DPY19L1: variants seen among roughly 807,000 people sequenced by gnomAD.
DPY19L1 encodes protein C-mannosyl-transferase DPY19L1.
A neutral mutation model predicts 96.9 loss-of-function variants in DPY19L1; 35 were observed. The observed-to-expected ratio is 0.36, with a 90% CI of 0.28 to 0.48. The LOEUF is 0.48. DPY19L1 is among the 20% of genes least tolerant of loss of function. The pLI, the probability that DPY19L1 is intolerant of heterozygous loss-of-function variation, is 0.99. For missense variants in DPY19L1, 521 were observed against 777.9 expected, an observed-to-expected ratio of 0.67 and a Z score of 3.93; for synonymous variants, 205 against 252.6, an observed-to-expected ratio of 0.81 and a Z score of 1.79.
intron 6 of DPY19L1, among the ~76,000 whole-genome samples, chr7:35,009,786 C>A (rs1474013977): frequency 6.6e-6 from 1 of 152,112 alleles, no homozygotes; most frequent in African/African-American, 2.4e-5. Context: ...TACACCAAAA[C>A]TACAGTAAGA....
chr7:35,037,406 C>CGCGCCCGCTCGCT lies in DPY19L1; in HGVS notation c.-25_-13dup, dbSNP rs1786456454. 3.0e-6 allele frequency: 1 copy of CGCGCCCGCTCGCT among 333,838 alleles called. No individual in the cohort carries two copies. The highest frequency in any genetic ancestry group is 2.2e-5 in the African/African-American group (1 of 45,812). The allele number at this position is 333,838 out of a possible 1,614,324, so 20.7% of individuals were successfully genotyped here. A position where few individuals can be genotyped will look rare whatever the true frequency, so the allele number is the denominator to read the frequency against. ...GCCTGCAGGACCATCTTGGCATAGT[C>CGCGCCCGCTCGCT]GCGCCCGCTCGCTGCGCGCGCCCGG... On this transcript the variant is annotated 5_prime_UTR_variant, in exon 1 of 22. Coordinates refer to ENST00000638088, the MANE Select transcript of DPY19L1 (RefSeq NM_001366673.1).
intron 4 of DPY19L1, among the ~76,000 whole-genome samples, chr7:35,013,146 GT>G (rs1285105110): frequency 2.6e-5 from 4 of 152,102 alleles, no homozygotes; most frequent in African/African-American, 7.2e-5. Flanking sequence ...CAAATTTATA[GT>G]TTTGCAAGGA....
Position 35,037,366 on chromosome 7 carries a change from C to A in DPY19L1, c.29G>T (p.Arg10Leu). The A allele has an allele frequency of 2.8e-6, 1 of 354,960 alleles. No homozygotes were observed. The highest frequency in any genetic ancestry group is 1.3e-4 in the South Asian group (1 of 7,430). 22.0% of individuals were successfully genotyped at this position (354,960 alleles called of 1,614,324 possible). Residue 10 changes from arginine to leucine, a missense_variant, in exon 1 of 22, where the codon CGG (arginine) becomes CTG (leucine). Arg to Leu is a moderately radical substitution (Grantham distance 102, BLOSUM62 -2). Transcript: ENST00000638088. ...CTGGGGCGGCTTGGGAGCCGCCTCC[C>A]GGTGCTTGTTCCGCGCCTGCAGGAC... is the stretch of plus-strand genomic sequence containing the variant. MVLQARNKH[R>L]EAAPKPPQPP... is the part of the protein sequence containing the mutation.
At chr7:34,988,639 CAT>C (rs892807795) in intron 7 of DPY19L1, among the ~76,000 whole-genome samples, 39 of 152,074 alleles carry the variant, frequency 2.6e-4, no homozygotes, top group African/African-American at 8.7e-4. Flanking sequence ...CATGTTAAAA[CAT>C]GTGCATATTC....
intron 19 of DPY19L1, 35 bp from the exon 20 acceptor site, chr7:34,939,410 C>G: frequency 6.3e-7 from 1 of 1,580,636 alleles, no homozygotes; most frequent in Non-Finnish European, 8.7e-7. Context: ...GGAAGACACT[C>G]AGTGAAGGCG....
At chr7:34,987,167 GAA>G (rs1785067724) in intron 7 of DPY19L1, among the ~76,000 whole-genome samples, 1 of 151,954 alleles carries the variant, frequency 6.6e-6, no homozygotes, top group African/African-American at 2.4e-5. Flanking sequence ...TCTTGTAAAA[GAA>G]AACATTTTAA....
chr7:35,033,906 C>T (rs1360305653), intron 1 of DPY19L1, among the ~76,000 whole-genome samples: 7 of 151,982 alleles, frequency 4.6e-5, no homozygotes, highest in Non-Finnish European at 7.4e-5. Flanking sequence ...ATACCAGTGG[C>T]ATCTAGTAGG....
chr7:34,992,345 C>T (rs939943043), intron 6 of DPY19L1, among the ~76,000 whole-genome samples: 3 of 152,274 alleles, frequency 2.0e-5, no homozygotes, highest in Middle Eastern at 3.4e-3. Flanking sequence ...AAACCTCTGA[C>T]TGTCAAATGT....
chr7:34,963,079 C>T (rs573402671), intron 10 of DPY19L1, among the ~76,000 whole-genome samples: 1 of 151,434 alleles, frequency 6.6e-6, no homozygotes, highest in African/African-American at 2.4e-5. Context: ...CCTCTAATCC[C>T]AGCTGCTCGG....
At chr7:34,976,950 A>ATT (rs376435654) in intron 7 of DPY19L1, among the ~76,000 whole-genome samples, 20 of 150,122 alleles carry the variant, frequency 1.3e-4, no homozygotes, top group African/African-American at 4.9e-4. Context: ...CACCCAGCTA[A>ATT]TTTTTTTTTT....
intron 9 of DPY19L1, among the ~76,000 whole-genome samples, chr7:34,968,252 T>C (rs1784651642): frequency 6.6e-6 from 1 of 152,152 alleles, no homozygotes; most frequent in Non-Finnish European, 1.5e-5. Flanking sequence ...CTAACCTTAC[T>C]GACACCTACT....
intron 6 of DPY19L1, among the ~76,000 whole-genome samples, chr7:34,994,797 C>T (rs1261865868): frequency 6.7e-6 from 1 of 149,910 alleles, no homozygotes; most frequent in African/African-American, 2.5e-5. Flanking sequence ...GAGCAAGATT[C>T]CGTCTCAAAA....
At chr7:34,994,356 G>A (rs1041546349) in intron 6 of DPY19L1, among the ~76,000 whole-genome samples, 13 of 151,868 alleles carry the variant, frequency 8.6e-5, no homozygotes, top group East Asian at 5.8e-4. Flanking sequence ...CCTAAAACAC[G>A]AAAGATGAGT....
chr7:34,973,628 T>C (rs751676830), intron 7 of DPY19L1, 23 bp from the exon 8 acceptor site: 17 of 1,323,660 alleles, frequency 1.3e-5, no homozygotes, highest in African/African-American at 3.0e-5. Context: ...ATTTGTAGTA[T>C]AGTATACTTG....
At chr7:34,937,464 T>C (rs1435928337) in intron 21 of DPY19L1, among the ~76,000 whole-genome samples, 5 of 152,138 alleles carry the variant, frequency 3.3e-5, no homozygotes, top group Non-Finnish European at 7.4e-5. Flanking sequence ...AGAAAATACA[T>C]CCAACTTTAA....
At chr7:34,954,080 A>T (rs1442298056) in intron 13 of DPY19L1, among the ~76,000 whole-genome samples, 1 of 152,224 alleles carries the variant, frequency 6.6e-6, no homozygotes, top group East Asian at 1.9e-4. Context: ...TGCTTTTTTA[A>T]ATTAAATCTT....
At chr7:34,990,059 A>G in intron 6 of DPY19L1, 118 bp from the exon 7 acceptor site, 1 of 632,532 alleles carries the variant, frequency 1.6e-6, no homozygotes, top group Non-Finnish European at 2.6e-6. Flanking sequence ...GTCATACTAG[A>G]ACTCTCCTAT....
intron 10 of DPY19L1, among the ~76,000 whole-genome samples, chr7:34,965,230 A>G (rs927755352): frequency 1.3e-5 from 2 of 152,150 alleles, no homozygotes; most frequent in Non-Finnish European, 1.5e-5. Context: ...AGCTGGGGGG[A>G]GAGGAGAGAA....
chr7:35,025,445 G>T (rs1786097891), intron 1 of DPY19L1, among the ~76,000 whole-genome samples: 2 of 152,000 alleles, frequency 1.3e-5, no homozygotes, highest in Non-Finnish European at 2.9e-5. Context: ...TAAGAAACCT[G>T]AGAAGGCAGA....
Sources: gnomAD v4.1 joint callset for allele counts (sites outside exome capture counted in the v4.1 genomes callset) on GRCh38, gnomAD v4.1.1 for gene constraint, MANE v1.5 for transcripts, NCBI Gene and HGNC (gene_info 2026-07-23, HGNC 2026-07-21) for gene names.